PRKCB: variants seen among roughly 807,000 people sequenced by gnomAD.
The protein encoded by PRKCB is protein kinase C beta.
Under a neutral mutation model 81.5 loss-of-function variants are expected in PRKCB, and 13 were observed. The observed-to-expected ratio is 0.16, with a 90% CI of 0.10 to 0.25. The LOEUF (loss-of-function observed/expected upper bound fraction) is 0.25. PRKCB is among the 10% of genes least tolerant of loss of function. PRKCB has a pLI of 1.00. For missense variants in PRKCB, 509 were observed against 875.7 expected (o/e 0.58, Z 5.29); for synonymous variants, 335 against 321.4 (o/e 1.04, Z -0.45).
rs1968222961 is a variant in PRKCB, at chr16:24,216,045, G to A, written c.*1229G>A. 1 of 984,398 alleles carries A rather than the reference G, an allele frequency of 1.0e-6. No individual in the cohort carries two copies. The highest frequency in any genetic ancestry group is 1.8e-5 in the African/African-American group (1 of 57,096). The allele number at this position is 984,398 out of a possible 1,614,324, so 61.0% of individuals were successfully genotyped here. A position where few individuals can be genotyped will look rare whatever the true frequency, so the allele number is the denominator to read the frequency against. The stretch of plus-strand genomic sequence containing the variant: ...TATTTCAAGGAAAACTGCTCTTTTT[G>A]AGAAACGTGGACCTAAACTACAAAG... On this transcript the variant is annotated 3_prime_UTR_variant, in exon 17 of 17. Transcript: ENST00000643927.
chr16:24,161,217 C>T (rs575125211), intron 10 of PRKCB, among the ~76,000 whole-genome samples: 123 of 151,990 alleles, frequency 8.1e-4, no homozygotes, highest in Non-Finnish European at 1.5e-3. Flanking sequence ...GATGTAAATT[C>T]GATTTTTAAA....
chr16:23,912,455 G>C (rs989692393), intron 2 of PRKCB, among the ~76,000 whole-genome samples: 1 of 145,726 alleles, frequency 6.9e-6, no homozygotes, highest in African/African-American at 2.5e-5. Flanking sequence ...GTTACTTTTT[G>C]CCTGTGGTTT....
intron 5 of PRKCB, among the ~76,000 whole-genome samples, chr16:24,042,743 A>AT (rs4039567): frequency 0.028 from 4,090 of 144,476 alleles, 184 homozygotes; most frequent in African/African-American, 0.089. Flanking sequence ...TACATACAAA[A>AT]TTTTTTTTTT....
intron 2 of PRKCB, among the ~76,000 whole-genome samples, chr16:23,867,813 G>T (rs1196392335): frequency 2.0e-5 from 3 of 152,202 alleles, no homozygotes; most frequent in Non-Finnish European, 4.4e-5. Context: ...AGACCAAACT[G>T]CTGTGAGCCA....
At chr16:24,197,576 A>G (rs1212693046) in intron 16 of PRKCB, among the ~76,000 whole-genome samples, 1 of 152,232 alleles carries the variant, frequency 6.6e-6, no homozygotes, top group Admixed American at 6.5e-5. Context: ...ACACCAACTC[A>G]TGAGCCAAGA....
At chr16:24,193,444 CAAATAAATAAAT>C (rs56289209) in intron 16 of PRKCB, among the ~76,000 whole-genome samples, 14,823 of 122,080 alleles carry the variant, frequency 0.12, 1,388 homozygotes, top group African/African-American at 0.26. Context: ...GACTCCATCT[CAAATAAATAAAT>C]AAATAAATAA....
chr16:24,113,430 T>C (rs533471184), intron 8 of PRKCB, among the ~76,000 whole-genome samples: 1 of 151,400 alleles, frequency 6.6e-6, no homozygotes, highest in South Asian at 2.1e-4. Flanking sequence ...TTTCTTTTCT[T>C]TCTCTCTCTG....
At chr16:23,942,347 A>T (rs1964149975) in intron 2 of PRKCB, among the ~76,000 whole-genome samples, 1 of 152,260 alleles carries the variant, frequency 6.6e-6, no homozygotes, top group African/African-American at 2.4e-5. Flanking sequence ...GCGTTGGAGC[A>T]TACCAAAGTG....
intron 2 of PRKCB, among the ~76,000 whole-genome samples, chr16:23,870,698 G>A (rs1184266851): frequency 1.3e-5 from 2 of 152,238 alleles, no homozygotes; most frequent in Non-Finnish European, 2.9e-5. Flanking sequence ...CCCTGGCAGG[G>A]CTGTCAGGTA....
intron 15 of PRKCB, among the ~76,000 whole-genome samples, chr16:24,186,288 C>T (rs573149037): frequency 2.0e-5 from 3 of 152,262 alleles, no homozygotes; most frequent in East Asian, 1.9e-4. Flanking sequence ...CAGAATAACC[C>T]GAAGTGCCTT....
chr16:23,960,950 C>T lies in PRKCB; in HGVS notation c.206-27558C>T, dbSNP rs114319836. 4.3e-3 allele frequency among the ~76,000 whole-genome samples: 653 copies of T among 152,330 alleles called. 12 individuals carry two copies. The highest frequency in any genetic ancestry group is 0.015 in the African/African-American group (617 of 41,564). On this transcript the variant is annotated intron_variant, in intron 2 of 16. Transcript: ENST00000643927. ...GCAATGCCACTACTAATGGATGTCC[C>T]TTCTTAAAATTCTTCCCCATTTTGG...
intron 3 of PRKCB, among the ~76,000 whole-genome samples, chr16:23,995,575 G>A (rs927789385): frequency 6.6e-5 from 10 of 152,118 alleles, no homozygotes; most frequent in Admixed American, 3.9e-4. Context: ...CTAAATTGCC[G>A]TATGACCCGA....
intron 2 of PRKCB, among the ~76,000 whole-genome samples, chr16:23,864,208 T>C (rs917713916): frequency 4.6e-5 from 7 of 152,204 alleles, no homozygotes; most frequent in African/African-American, 1.7e-4. Context: ...CTAAACACCA[T>C]CTCTGCTCAG....
In PRKCB at chr16:24,216,923, A is replaced by G. The variant is rs1968236308; in HGVS notation, c.*2107A>G. On this transcript the variant is annotated 3_prime_UTR_variant, in exon 17 of 17. Transcript: ENST00000643927. Reference sequence around the variant, plus strand: ...TTTCTGCTCTGTAGCAAGGCAGCAGACATCTCTGAGCCAGGCCCACCAACA... The same window carrying G: ...TTTCTGCTCTGTAGCAAGGCAGCAGGCATCTCTGAGCCAGGCCCACCAACA... The G allele has an allele frequency of 1.0e-6, 1 of 985,436 alleles. No homozygotes were observed. Among genetic ancestry groups the G allele is most frequent in the Non-Finnish European group, 1.2e-6 (1 of 829,934 alleles). 61.0% of individuals were successfully genotyped at this position (985,436 alleles called of 1,614,324 possible).
intron 3 of PRKCB, among the ~76,000 whole-genome samples, chr16:24,007,036 T>C (rs1965133225): frequency 6.6e-6 from 1 of 152,198 alleles, no homozygotes. Context: ...TAGAAGCCAG[T>C]GTAAGGCAAT....
chr16:24,183,111 C>A (rs1045984995), intron 13 of PRKCB, among the ~76,000 whole-genome samples: 1 of 152,072 alleles, frequency 6.6e-6, no homozygotes, highest in African/African-American at 2.4e-5. Context: ...CCGCCCGCCT[C>A]GGCCTCCCAA....
chr16:24,013,235 C>T (rs1965228916), intron 3 of PRKCB, among the ~76,000 whole-genome samples: 1 of 152,130 alleles, frequency 6.6e-6, no homozygotes, highest in African/African-American at 2.4e-5. Flanking sequence ...ATCTTAGGGA[C>T]ATCTAAATAT....
chr16:24,052,824 A>G (rs936513837), intron 5 of PRKCB, among the ~76,000 whole-genome samples: 1 of 152,122 alleles, frequency 6.6e-6, no homozygotes, highest in African/African-American at 2.4e-5. Context: ...TGTGACCTGT[A>G]CCTTGTGCTG....
At chr16:23,838,703 G>A (rs1165411177) in intron 2 of PRKCB, among the ~76,000 whole-genome samples, 2 of 152,178 alleles carry the variant, frequency 1.3e-5, no homozygotes, top group African/African-American at 4.8e-5. Context: ...AGTGTAGGTG[G>A]CATCGTCAGT....
Sources: allele counts gnomAD v4.1 joint callset (sites outside exome capture counted in the v4.1 genomes callset), GRCh38; gene constraint gnomAD v4.1.1; transcripts MANE v1.5; gene names NCBI Gene and HGNC (gene_info 2026-07-23, HGNC 2026-07-21).